The following RNF14 variants were observed in gnomAD, a reference collection of about 807,000 sequenced individuals.
RNF14 encodes E3 ubiquitin-protein ligase RNF14.
RNF14 carries 26 observed loss-of-function variants against 52.6 expected under a neutral mutation model. That is an observed-to-expected ratio of 0.49 (90% confidence interval 0.36 to 0.69). The LOEUF is 0.69. Ranked by LOEUF, RNF14 falls within the 30% of genes least tolerant of loss-of-function variation. The pLI, the probability that RNF14 is intolerant of heterozygous loss-of-function variation, is 0.00. For synonymous variants in RNF14, 194 were observed against 202.0 expected, an observed-to-expected ratio of 0.96 and a Z score of 0.34; for missense variants, 404 against 560.4, an observed-to-expected ratio of 0.72 and a Z score of 2.82.
upstream of RNF14, chr5:141,955,792 G>T: frequency 5.6e-6 from 9 of 1,613,874 alleles, no homozygotes; most frequent in Non-Finnish European, 7.6e-6. This position sits in a 1 kb window ranked among gnomAD's most constrained non-coding sequence, Gnocchi z 5.5. Flanking sequence ...CAGGGCTCGG[G>T]TCTGTAAGGG....
intron 3 of RNF14, among the ~76,000 whole-genome samples, chr5:141,974,385 T>TTGGGACATGCTGGTCTAAG (rs1308584213): frequency 1.3e-5 from 2 of 152,210 alleles, no homozygotes; most frequent in African/African-American, 2.4e-5. Flanking sequence ...TCATGGGTAG[T>TTGGGACATGCTGGTCTAAG]TGGGACATGC....
upstream of RNF14, chr5:141,955,186 C>T (rs773755967): frequency 1.2e-6 from 2 of 1,614,228 alleles, no homozygotes; most frequent in Non-Finnish European, 1.7e-6. This position sits in a 1 kb window ranked among gnomAD's most constrained non-coding sequence, Gnocchi z 5.5. Context: ...TCCAGCCAGC[C>T]TCCCTGTGGG....
chr5:141,976,810 A>G (rs1319168701), intron 4 of RNF14, among the ~76,000 whole-genome samples: 3 of 102,876 alleles, frequency 2.9e-5, no homozygotes, highest in Admixed American at 1.4e-4. Context: ...TTTTTTTGAG[A>G]TGGAGTCTTG....
intron 2 of RNF14, among the ~76,000 whole-genome samples, chr5:141,972,643 T>A (rs1753883515): frequency 6.6e-6 from 1 of 152,044 alleles, no homozygotes; most frequent in Non-Finnish European, 1.5e-5. Context: ...CAGGCTGGAG[T>A]GCAATGGTGC....
chr5:141,962,326 G>A (rs943900696), upstream of RNF14, among the ~76,000 whole-genome samples: 1 of 152,204 alleles, frequency 6.6e-6, no homozygotes, highest in Non-Finnish European at 1.5e-5. Context: ...TTGGTTAACA[G>A]CGGCAGTTCT....
chr5:141,972,910 T>C (rs550370667), intron 2 of RNF14, among the ~76,000 whole-genome samples: 1 of 152,112 alleles, frequency 6.6e-6, no homozygotes, highest in African/African-American at 2.4e-5. Context: ...AAGAAAGGAG[T>C]GTAATATACT....
At chr5:141,957,075 A>C, upstream of RNF14, 1 of 1,614,202 alleles carries the variant, frequency 6.2e-7, no homozygotes. This position sits in a 1 kb window ranked among gnomAD's most constrained non-coding sequence, Gnocchi z 4.3. Context: ...GAAGCGTACC[A>C]GGTGCAGCAT....
In RNF14 at chr5:141,983,688, G is replaced by A. The variant is rs568873543; in HGVS notation, c.1236+136G>A. 37 of 707,836 alleles carry A rather than the reference G, an allele frequency of 5.2e-5. No individual in the cohort carries two copies. In the South Asian group the frequency reaches 8.2e-4, roughly 16 times the overall value. The allele number at this position is 707,836 out of a possible 1,614,324, so 43.8% of individuals were successfully genotyped here. A position where few individuals can be genotyped will look rare whatever the true frequency, so the allele number is the denominator to read the frequency against. ...ATTACACCTTCTTACGTGGAAGGTG[G>A]AAATTTCACTATTAGATCTTGTTAT... On this transcript the variant is annotated intron_variant, in intron 7 of 8. Transcript: ENST00000394520.
At chr5:141,973,808 T>G (rs1304714410) in intron 3 of RNF14, 66 bp downstream of exon 3, 14 of 1,355,868 alleles carry the variant, frequency 1.0e-5, no homozygotes, top group African/African-American at 4.5e-5. Context: ...CCTTAAACTA[T>G]TTGTCATTTT....
At chr5:141,961,879 C>A (rs527827893), upstream of RNF14, among the ~76,000 whole-genome samples, 53 of 152,316 alleles carry the variant, frequency 3.5e-4, no homozygotes, top group Admixed American at 1.2e-3. Context: ...TCACACCTCG[C>A]CCCTACGAAT....
intron 1 of RNF14, among the ~76,000 whole-genome samples, chr5:141,969,955 A>C (rs1753594913): frequency 6.6e-6 from 1 of 152,228 alleles, no homozygotes; most frequent in South Asian, 2.1e-4. Flanking sequence ...ATATACTCCC[A>C]CCTAGTAAAA....
At chr5:141,987,591 A>C in intron 8 of RNF14, 142 bp from the exon 9 acceptor site, 1 of 752,696 alleles carries the variant, frequency 1.3e-6, no homozygotes, top group Non-Finnish European at 2.2e-6. Context: ...CCCATATTTC[A>C]GCCCTCCTCA....
upstream of RNF14, among the ~76,000 whole-genome samples, chr5:141,966,062 C>G (rs1753340568): frequency 6.6e-6 from 1 of 151,732 alleles, no homozygotes; most frequent in South Asian, 2.1e-4. Context: ...GGGTGGATCA[C>G]TTGAGCCCAG....
At chr5:141,982,191 G>A (rs1754849103) in intron 6 of RNF14, among the ~76,000 whole-genome samples, 1 of 152,092 alleles carries the variant, frequency 6.6e-6, no homozygotes, top group Admixed American at 6.5e-5. Context: ...CCCTCTCTTT[G>A]TATGTATATA....
At chr5:141,984,062 G>C (rs907238396) in intron 7 of RNF14, among the ~76,000 whole-genome samples, 58 of 151,000 alleles carry the variant, frequency 3.8e-4, no homozygotes, top group African/African-American at 1.4e-3. Context: ...ACTGAACATA[G>C]TGGGCTCCAG....
intron 1 of RNF14, among the ~76,000 whole-genome samples, chr5:141,961,765 C>T (rs1753276858): frequency 1.3e-5 from 2 of 152,012 alleles, no homozygotes; most frequent in South Asian, 4.2e-4. Context: ...TTCAGAGAAT[C>T]TTCTTAAAAC....
chr5:141,978,360 G>A lies in RNF14; in HGVS notation c.364G>A (p.Val122Ile). 6.2e-7 allele frequency: 1 copy of A among 1,614,008 alleles called. No homozygotes were observed. The change falls in exon 5 of 9, where the codon GTC becomes ATC. Residue 122 changes from valine to isoleucine, a missense_variant. Coordinates refer to ENST00000394520, the MANE Select transcript of RNF14 (RefSeq NM_004290.5). ...NLWEEHRGSV[V>I]LFAWMQFLKE... ...ATGGGAAGAACACCGTGGCAGCGTG[G>A]TCCTGTTTGCCTGGATGCAATTTCT...
At position 141,989,084 on chromosome 5, in the gene RNF14, T is replaced by G. The variant is rs1755457648; in HGVS notation, c.*1294T>G. On this transcript the variant is annotated 3_prime_UTR_variant, in exon 9 of 9. Coordinates refer to ENST00000394520, the MANE Select transcript of RNF14 (RefSeq NM_004290.5). ...AATTGAGGAATCACTTTTAACTGTTTTAGGTGTGTGTGTCCAGAGTGAGCA... is the reference window on the plus strand; with the variant it reads ...AATTGAGGAATCACTTTTAACTGTTGTAGGTGTGTGTGTCCAGAGTGAGCA... The G allele has an allele frequency of 2.0e-5, 3 of 152,312 alleles. No homozygotes were observed. The South Asian group carries it at 6.2e-4, about 31-fold the overall frequency. 9.4% of individuals were successfully genotyped at this position (152,312 alleles called of 1,614,324 possible).
At chr5:141,962,024 C>G (rs1753278794), upstream of RNF14, among the ~76,000 whole-genome samples, 1 of 152,224 alleles carries the variant, frequency 6.6e-6, no homozygotes, top group African/African-American at 2.4e-5. Context: ...TCCGGCTTAT[C>G]CCAGGTAGGG....
Sources: gnomAD v4.1 joint callset for allele counts (sites outside exome capture counted in the v4.1 genomes callset) on GRCh38, gnomAD v4.1.1 for gene constraint, Gnocchi (gnomAD v3.1) non-coding constraint, MANE v1.5 for transcripts, NCBI Gene and HGNC (gene_info 2026-07-23, HGNC 2026-07-21) for gene names.